Variants in KSR2 observed in about 807,000 individuals in gnomAD.
KSR2 encodes the protein kinase suppressor of ras 2.
Under a neutral mutation model 107.8 loss-of-function variants are expected in KSR2, and 25 were observed. That is an observed-to-expected ratio of 0.23 (90% CI 0.17 to 0.32). The LOEUF (loss-of-function observed/expected upper bound fraction) is 0.32, where lower values mean the gene tolerates loss of function less well. Ranked by LOEUF, KSR2 falls within the 10% of genes least tolerant of loss-of-function variation. KSR2 has a pLI of 1.00. For synonymous variants in KSR2, 480 were observed against 507.0 expected (o/e 0.95, Z 0.71); for missense variants, 887 against 1,268.9 (o/e 0.70, Z 4.57).
chr12:117,712,796 T>C (rs1339736149), intron 4 of KSR2, among the ~76,000 whole-genome samples: 2 of 152,058 alleles, frequency 1.3e-5, no homozygotes, highest in African/African-American at 4.8e-5. Flanking sequence ...CAGAGATCGA[T>C]AGATACAGAG....
In KSR2 at chr12:117,705,583, G is replaced by A. The variant is rs117555019; in HGVS notation, c.987-37925C>T. Among the ~76,000 whole-genome samples, 14 of 152,312 alleles carry A rather than the reference G, an allele frequency of 9.2e-5. No homozygotes were observed. In the East Asian group the frequency reaches 1.4e-3, roughly 15 times the overall value. On this transcript the variant is annotated intron_variant, in intron 4 of 19. Coordinates refer to ENST00000339824, the MANE Select transcript of KSR2 (RefSeq NM_173598.6). ...CTCAACTTGGCCTTGGCTTGACATC[G>A]AACAGCTGAATGTGCCTTGCACTGC...
rs529851033 is a variant in KSR2 at position 117,804,563 on chromosome 12, G to T, written c.473-43039C>A. On this transcript the variant is annotated intron_variant, in intron 3 of 19. Transcript: ENST00000339824. ...CAGCCGAACAATAATTACTACTGTT[G>T]CTGGTTGTTGTTTTAGTATTATACT... Among the ~76,000 whole-genome samples the T allele has an allele frequency of 1.6e-4, 24 of 152,248 alleles. No individual in the cohort carries two copies. The South Asian group carries it at 3.1e-3, about 20-fold the overall frequency.
At position 117,795,418 on chromosome 12, in the gene KSR2, G is replaced by A. The variant is rs191232132; in HGVS notation, c.473-33894C>T. On this transcript the variant is annotated intron_variant, in intron 3 of 19. Coordinates refer to ENST00000339824, the MANE Select transcript of KSR2 (RefSeq NM_173598.6). ...TTTCACACGGAGCTCAGCATGCCAA[G>A]TGGAACAGACTGGAATGCCAGAAGA... is the stretch of plus-strand genomic sequence containing the variant. 1.3e-3 allele frequency among the ~76,000 whole-genome samples: 198 copies of A among 152,240 alleles called. 1 individual carries two copies. The highest frequency in any genetic ancestry group is 4.4e-3 in the African/African-American group (184 of 41,550).
chr12:117,498,106 C>T (rs889034143), intron 14 of KSR2, among the ~76,000 whole-genome samples: 1 of 152,174 alleles, frequency 6.6e-6, no homozygotes, highest in Non-Finnish European at 1.5e-5. Flanking sequence ...CAGGGTCCTA[C>T]AGTGAGTAGG....
intron 4 of KSR2, among the ~76,000 whole-genome samples, chr12:117,718,193 G>A (rs1887071790): frequency 6.6e-6 from 1 of 152,226 alleles, no homozygotes; most frequent in Admixed American, 6.5e-5. Flanking sequence ...GATTAACAGA[G>A]TATTGTCTAG....
intron 4 of KSR2, among the ~76,000 whole-genome samples, chr12:117,707,049 A>C (rs1886556475): frequency 6.6e-6 from 1 of 152,226 alleles, no homozygotes; most frequent in South Asian, 2.1e-4. Flanking sequence ...TGCAAAATGG[A>C]ATATTATTCA....
At chr12:117,760,347 C>T (rs1424372638) in intron 4 of KSR2, among the ~76,000 whole-genome samples, 1 of 152,204 alleles carries the variant, frequency 6.6e-6, no homozygotes, top group Admixed American at 6.5e-5. Context: ...CCACCTTCAA[C>T]TGAGATGAGC....
chr12:117,958,881 C>A (rs543822659), intron 1 of KSR2, among the ~76,000 whole-genome samples: 1 of 134,466 alleles, frequency 7.4e-6, no homozygotes, highest in Non-Finnish European at 1.6e-5. Context: ...ACAAATAATA[C>A]TTTTTACAGA....
chr12:117,750,696 C>T (rs1335729374), intron 4 of KSR2, among the ~76,000 whole-genome samples: 1 of 128,196 alleles, frequency 7.8e-6, no homozygotes, highest in Non-Finnish European at 1.6e-5. Context: ...TCTACTGTTG[C>T]TATCTTTATG....
At chr12:117,692,112 A>T (rs990338201) in intron 4 of KSR2, among the ~76,000 whole-genome samples, 1 of 152,170 alleles carries the variant, frequency 6.6e-6, no homozygotes, top group Non-Finnish European at 1.5e-5. Context: ...GAAAGGGAAC[A>T]GAAAGACAAT....
chr12:117,528,552 G>A (rs948271276), intron 12 of KSR2, among the ~76,000 whole-genome samples: 5 of 152,158 alleles, frequency 3.3e-5, no homozygotes, highest in Admixed American at 2.0e-4. Context: ...CCTGGTGAAA[G>A]AGTCTGAAAG....
chr12:117,719,590 C>A (rs943564058), intron 4 of KSR2, among the ~76,000 whole-genome samples: 48 of 152,260 alleles, frequency 3.2e-4, no homozygotes, highest in African/African-American at 1.1e-3. Flanking sequence ...CCAGTTTGCC[C>A]CACTCCCCAC....
At chr12:117,487,046 A>G (rs1034296646) in intron 14 of KSR2, among the ~76,000 whole-genome samples, 1 of 152,074 alleles carries the variant, frequency 6.6e-6, no homozygotes, top group African/African-American at 2.4e-5. Flanking sequence ...AAATGGGGCC[A>G]ACAGCTGCTG....
intron 4 of KSR2, among the ~76,000 whole-genome samples, chr12:117,698,907 A>G (rs1348711559): frequency 6.6e-6 from 1 of 152,080 alleles, no homozygotes; most frequent in Non-Finnish European, 1.5e-5. Flanking sequence ...TACAGTTCCC[A>G]TGGCCTGAAA....
At chr12:117,560,063 T>G (rs906759356) in intron 7 of KSR2, among the ~76,000 whole-genome samples, 1 of 152,178 alleles carries the variant, frequency 6.6e-6, no homozygotes, top group African/African-American at 2.4e-5. Context: ...GGTTTGAATA[T>G]GCAGGCACAG....
chr12:117,486,528 C>T (rs938115224), intron 14 of KSR2, among the ~76,000 whole-genome samples: 4 of 152,154 alleles, frequency 2.6e-5, no homozygotes, highest in Non-Finnish European at 5.9e-5. Context: ...GAAGAAAGAA[C>T]GTCACTGTGA....
At chr12:117,939,287 G>C (rs548787706) in intron 1 of KSR2, among the ~76,000 whole-genome samples, 2 of 152,308 alleles carry the variant, frequency 1.3e-5, no homozygotes, top group African/African-American at 4.8e-5. Flanking sequence ...ATGCAATAAT[G>C]GTTTGGGAAT....
Position 117,684,588 on chromosome 12 carries a change from A to T in KSR2, c.987-16930T>A, listed in dbSNP as rs561507629. Reference sequence around the variant, plus strand: ...GAGGCATTTACTGTGTAGAGTGGTTATGTGGGGTTTAGCTGGCAGGAGAGG... The same window carrying T: ...GAGGCATTTACTGTGTAGAGTGGTTTTGTGGGGTTTAGCTGGCAGGAGAGG... On this transcript the variant is annotated intron_variant, in intron 4 of 19. Coordinates refer to ENST00000339824, the MANE Select transcript of KSR2 (RefSeq NM_173598.6). Among the ~76,000 whole-genome samples, 4 of 152,176 alleles carry T rather than the reference A, an allele frequency of 2.6e-5. No homozygotes were observed. In the South Asian group the frequency reaches 8.3e-4, roughly 32 times the overall value.
chr12:117,606,674 CCCTCCCTGCCTG>C (rs987634297), intron 5 of KSR2, among the ~76,000 whole-genome samples: 4 of 131,662 alleles, frequency 3.0e-5, no homozygotes, highest in African/African-American at 1.2e-4. Context: ...TTCCCTTCCT[CCCTCCCTGCCTG>C]CCTCCCTTCC....
Sources: allele counts gnomAD v4.1 joint callset (sites outside exome capture counted in the v4.1 genomes callset), GRCh38; gene constraint gnomAD v4.1.1; transcripts MANE v1.5; gene names NCBI Gene and HGNC (gene_info 2026-07-23, HGNC 2026-07-21).